Variants in CD63 observed in about 807,000 individuals in gnomAD.
CD63 encodes CD63 molecule.
Under a neutral mutation model 29.2 loss-of-function variants are expected in CD63, and 16 were observed. That is an observed-to-expected ratio of 0.55 (90% confidence interval 0.37 to 0.83). CD63 has a LOEUF of 0.83. Ranked by LOEUF, CD63 falls within the 40% of genes least tolerant of loss-of-function variation. CD63 has a pLI of 0.00. For missense variants in CD63, 251 were observed against 297.3 expected (o/e 0.84, Z 1.15); for synonymous variants, 118 against 111.7 (o/e 1.06, Z -0.36).
Position 55,726,767 on chromosome 12 carries a change from C to T in CD63, c.359G>A (p.Arg120Gln), listed in dbSNP as rs201129023. The change falls in exon 5 of 8, where the codon CGG becomes CAG. Residue 120 changes from arginine (R) to glutamine (Q), a missense_variant. Coordinates refer to ENST00000257857, the MANE Select transcript of CD63 (RefSeq NM_001780.6). ...TTTCGGGTAATTCTCCATCTGCTGC[C>T]GGAAGTTGTTATTAAACTCTGACAT... is the stretch of plus-strand genomic sequence containing the variant. ...KVMSEFNNNF[R>Q]QQMENYPKNN... is the part of the protein sequence containing the mutation. 2.2e-5 allele frequency: 35 copies of T among 1,614,004 alleles called. No individual in the cohort carries two copies. Among genetic ancestry groups the T allele is most frequent in the South Asian group, 4.4e-5 (4 of 91,072 alleles).
chr12:55,724,026 A>G (rs774648195), downstream of CD63: 10 of 1,611,810 alleles, frequency 6.2e-6, no homozygotes, highest in East Asian at 1.3e-4. Context: ...CAGGCCCACT[A>G]TGGGGGGGCC....
upstream of CD63, chr12:55,729,226 G>A (rs1275093263): frequency 1.2e-6 from 1 of 843,632 alleles, no homozygotes; most frequent in East Asian, 1.2e-4. Flanking sequence ...CCCCGCAAAG[G>A]GAAAGCCGCA....
In CD63 at chr12:55,728,650, G is replaced by T; in HGVS notation, c.-11-298C>A. Reference sequence around the variant, plus strand: ...ACCCTCGGCCCGCCAGTCTCCGGGCGTCAAACACCCTTTCCCCACCCAACA... The same window carrying T: ...ACCCTCGGCCCGCCAGTCTCCGGGCTTCAAACACCCTTTCCCCACCCAACA... On this transcript the variant is annotated intron_variant, in intron 1 of 7. Coordinates refer to ENST00000257857, the MANE Select transcript of CD63 (RefSeq NM_001780.6). This position sits in a 1 kb window ranked among gnomAD's most constrained non-coding sequence, Gnocchi z 4.8. 1 of 1,275,202 alleles carries T rather than the reference G, an allele frequency of 7.8e-7. No individual in the cohort carries two copies. The highest frequency in any genetic ancestry group is 3.1e-4 in the Middle Eastern group (1 of 3,260). 79.0% of individuals were successfully genotyped at this position (1,275,202 alleles called of 1,614,324 possible). A position where few individuals can be genotyped will look rare whatever the true frequency, so the allele number is the denominator to read the frequency against.
rs761342884 is a variant in CD63, at chr12:55,727,198, C to T, written c.208G>A (p.Val70Met). 7 of 1,613,808 alleles carry T rather than the reference C, an allele frequency of 4.3e-6. No homozygotes were observed. The highest frequency in any genetic ancestry group is 5.9e-6 in the Non-Finnish European group (7 of 1,180,024). The change falls in exon 3 of 8, where the codon GTG becomes ATG. Residue 70 changes from valine to methionine, a missense_variant. By Grantham distance (21) the Val-to-Met change is conservative. Transcript: ENST00000257857. ...VGVFLFLVAF[V>M]GCCGACKENY... ...TCCTTGCAGGCCCCGCAGCAGCCCACAAAAGCCACCAGGAAGAGGAAGACA... is the reference window on the plus strand; with the variant it reads ...TCCTTGCAGGCCCCGCAGCAGCCCATAAAAGCCACCAGGAAGAGGAAGACA...
chr12:55,725,243 A>G (rs1193653381), downstream of CD63: 1 of 409,422 alleles, frequency 2.4e-6, no homozygotes, highest in Non-Finnish European at 4.5e-6. Flanking sequence ...ATGAATGTTC[A>G]TAGTGAGCCT....
chr12:55,724,500 T>C (rs768469765), downstream of CD63: 4 of 1,613,286 alleles, frequency 2.5e-6, no homozygotes, highest in Admixed American at 1.7e-5. Context: ...TGGTGGATGC[T>C]GTGCTCACCT....
Position 55,727,195 on chromosome 12 carries a change from C to T in CD63, c.211G>A (p.Gly71Ser). The change falls in exon 3 of 8, where the codon GGC becomes AGC. Residue 71 changes from glycine (G) to serine (S), a missense_variant. Physicochemically the swap from Gly to Ser is moderately conservative, Grantham distance 56. Coordinates refer to ENST00000257857, the MANE Select transcript of CD63 (RefSeq NM_001780.6). The stretch of plus-strand genomic sequence containing the variant: ...TTCTCCTTGCAGGCCCCGCAGCAGC[C>T]CACAAAAGCCACCAGGAAGAGGAAG... ...GVFLFLVAFVGCCGACKENYC... is the reference protein window; with the variant it reads ...GVFLFLVAFVSCCGACKENYC... The T allele has an allele frequency of 6.2e-7, 1 of 1,613,772 alleles. No individual in the cohort carries two copies. The highest frequency in any genetic ancestry group is 8.5e-7 in the Non-Finnish European group (1 of 1,180,006).
chr12:55,724,369 C>G, downstream of CD63: 1 of 1,614,202 alleles, frequency 6.2e-7, no homozygotes, highest in Non-Finnish European at 8.5e-7. Context: ...TGACCCGGAC[C>G]TAACCAAGGT....
At chr12:55,724,378 G>A (rs893714141), downstream of CD63, 3 of 1,614,062 alleles carry the variant, frequency 1.9e-6, no homozygotes, top group African/African-American at 1.3e-5. Flanking sequence ...CCTAACCAAG[G>A]TGAGCCGATG....
downstream of CD63, chr12:55,724,401 CCT>C (rs765714290): frequency 1.1e-5 from 17 of 1,614,062 alleles, no homozygotes; most frequent in Non-Finnish European, 1.4e-5. Context: ...TGGAGCATGC[CCT>C]GACTGCTCGA....
At position 55,725,616 on chromosome 12, in the gene CD63, A is replaced by G. The variant is rs1804041; in HGVS notation, c.662T>C (p.Ile221Thr). ...LGIAFVEVLG[I>T]VFACCLVKSI... ...CTTCACGAGGCAGCAGGCAAAGACA[A>G]TTCCCAAAACCTAGAAGGAAAGATG... The change falls in exon 8 of 8, where the codon ATT (isoleucine) becomes ACT (threonine). Residue 221 changes from isoleucine (I) to threonine (T), a missense_variant. By Grantham distance (89) the Ile-to-Thr change is moderately conservative. Coordinates refer to ENST00000257857, the MANE Select transcript of CD63 (RefSeq NM_001780.6). 11 of 1,613,900 alleles carry G rather than the reference A, an allele frequency of 6.8e-6. No individual in the cohort carries two copies. The highest frequency in any genetic ancestry group is 1.3e-5 in the African/African-American group (1 of 74,880).
In CD63 at chr12:55,726,741, T is replaced by G; in HGVS notation, c.385A>C (p.Asn129His). 6.2e-7 allele frequency: 1 copy of G among 1,614,102 alleles called. No homozygotes were observed. The change falls in exon 5 of 8, where the codon AAC (asparagine) becomes CAC (histidine). Residue 129 changes from asparagine to histidine, a missense_variant. Physicochemically the swap from Asn to His is moderately conservative, Grantham distance 68. Coordinates refer to ENST00000257857, the MANE Select transcript of CD63 (RefSeq NM_001780.6). Reference sequence around the variant, plus strand: ...TCCAGGATCGAAGCAGTGTGGTTGTTTTTCGGGTAATTCTCCATCTGCTGC... The same window carrying G: ...TCCAGGATCGAAGCAGTGTGGTTGTGTTTCGGGTAATTCTCCATCTGCTGC... ...FRQQMENYPK[N>H]NHTASILDRM...
chr12:55,724,707 G>A (rs1171274467), downstream of CD63: 4 of 747,572 alleles, frequency 5.4e-6, no homozygotes, highest in Non-Finnish European at 4.6e-6. Context: ...CCAGTGGAAG[G>A]CTGACCCCAT....
At chr12:55,724,381 A>G (rs771063598), downstream of CD63, 26 of 1,614,194 alleles carry the variant, frequency 1.6e-5, no homozygotes, top group Non-Finnish European at 2.2e-5. Flanking sequence ...AACCAAGGTG[A>G]GCCGATGCCT....
chr12:55,729,240 G>T (rs1877751370), upstream of CD63: 2 of 748,178 alleles, frequency 2.7e-6, no homozygotes, highest in Non-Finnish European at 1.6e-6. Context: ...AGCCGCAAGG[G>T]CAAGACCTCG....
At chr12:55,725,724 A>C in intron 7 of CD63, 89 bp downstream of exon 7, 1 of 1,516,564 alleles carries the variant, frequency 6.6e-7, no homozygotes, top group South Asian at 1.1e-5. Context: ...CCAGGCCAGT[A>C]CCTCCTGTTC....
rs1877662090 is a variant in CD63, at chr12:55,728,440, C to CTTCACGGCCCCGA, written c.-11-101_-11-89dup. Reference sequence around the variant, plus strand: ...TCCCGGCCGGCCCTCGAGGGCTTCCCTTCACGGCCCCGATTCCCGGCCCCT... The same window carrying CTTCACGGCCCCGA: ...TCCCGGCCGGCCCTCGAGGGCTTCCCTTCACGGCCCCGATTCACGGCCCCGATTCCCGGCCCCT... On this transcript the variant is annotated intron_variant, in intron 1 of 7. Coordinates refer to ENST00000257857, the MANE Select transcript of CD63 (RefSeq NM_001780.6). This position sits in a 1 kb window ranked among gnomAD's most constrained non-coding sequence, Gnocchi z 4.8. The CTTCACGGCCCCGA allele has an allele frequency of 6.5e-7, 1 of 1,530,826 alleles. No homozygotes were observed. The highest frequency in any genetic ancestry group is 1.4e-5 in the African/African-American group (1 of 72,998). The allele number at this position is 1,530,826 out of a possible 1,614,324, so 94.8% of individuals were successfully genotyped here. A position where few individuals can be genotyped will look rare whatever the true frequency, so the allele number is the denominator to read the frequency against.
rs919138125 is a variant in CD63, at chr12:55,725,800, G to C, written c.651+13C>G. On this transcript the variant is annotated intron_variant, in intron 7 of 7. Transcript: ENST00000257857. Reference sequence around the variant, plus strand: ...GGACAGAGTCCCAGCCCCTGCTCAGGGTTATCTCTTACCTCGACAAAAGCA... The same window carrying C: ...GGACAGAGTCCCAGCCCCTGCTCAGCGTTATCTCTTACCTCGACAAAAGCA... 3.1e-6 allele frequency: 5 copies of C among 1,612,500 alleles called. No homozygotes were observed. Among genetic ancestry groups the C allele is most frequent in the Non-Finnish European group, 4.2e-6 (5 of 1,178,744 alleles).
chr12:55,726,879 T>C lies in CD63; in HGVS notation c.330+11A>G. On this transcript the variant is annotated intron_variant, in intron 4 of 7. Coordinates refer to ENST00000257857, the MANE Select transcript of CD63 (RefSeq NM_001780.6). ...GGCTGAGGCAGGCCCTTCCCATTATTCCCTGCTTACCTTATCTCTAAACAC... is the reference window on the plus strand; with the variant it reads ...GGCTGAGGCAGGCCCTTCCCATTATCCCCTGCTTACCTTATCTCTAAACAC... 6.2e-7 allele frequency: 1 copy of C among 1,612,940 alleles called. No individual in the cohort carries two copies. The highest frequency in any genetic ancestry group is 1.3e-5 in the African/African-American group (1 of 74,972).
Sources: allele counts gnomAD v4.1 joint callset, GRCh38; gene constraint gnomAD v4.1.1; non-coding constraint Gnocchi (gnomAD v3.1); transcripts MANE v1.5; gene names NCBI Gene and HGNC (gene_info 2026-07-23, HGNC 2026-07-21).